The following LRP1 variants were observed in gnomAD, a reference collection of about 807,000 sequenced individuals.
The protein encoded by LRP1 is prolow-density lipoprotein receptor-related protein 1.
A neutral mutation model predicts 541.5 loss-of-function variants in LRP1; 51 were observed. That is an observed-to-expected ratio of 0.09 (90% CI 0.08 to 0.12). LRP1 has a LOEUF of 0.12. Ranked by LOEUF, LRP1 falls within the 10% of genes least tolerant of loss-of-function variation. LRP1 has a pLI of 1.00. For synonymous variants in LRP1, 2,219 were observed against 2,470.8 expected, an observed-to-expected ratio of 0.90 and a Z score of 3.02; for missense variants, 3,878 against 6,376.2, an observed-to-expected ratio of 0.61 and a Z score of 13.34.
intron 42 of LRP1, among the ~76,000 whole-genome samples, chr12:57,190,508 G>A (rs553636525): frequency 1.8e-4 from 27 of 152,350 alleles, no homozygotes; most frequent in Non-Finnish European, 3.4e-4. Context: ...CCCAGGGCCT[G>A]TCTCACTTGG....
In LRP1 at chr12:57,202,595, G is replaced by T. The variant is rs181669608; in HGVS notation, c.10711+58G>T. The T allele has an allele frequency of 1.7e-4, 226 of 1,358,574 alleles. No homozygotes were observed. In the African/African-American group the frequency reaches 2.9e-3, roughly 18 times the overall value. 84.2% of individuals were successfully genotyped at this position (1,358,574 alleles called of 1,614,324 possible). A position where few individuals can be genotyped will look rare whatever the true frequency, so the allele number is the denominator to read the frequency against. ...CCCTCCCAGGCCTGGCCCTTGTCTC[G>T]CGGCCCTCCTGCCACAGGCCGCGCC... On this transcript the variant is annotated intron_variant, in intron 68 of 88. Transcript: ENST00000243077.
At position 57,197,140 on chromosome 12, in the gene LRP1, C is replaced by G; in HGVS notation, c.9051C>G (p.Asp3017Glu). The G allele has an allele frequency of 1.2e-6, 2 of 1,613,950 alleles. No homozygotes were observed. Among genetic ancestry groups the G allele is most frequent in the East Asian group, 4.5e-5 (2 of 44,886 alleles). The change falls in exon 56 of 89, where the codon GAC becomes GAG. Residue 3017 changes from aspartate (D) to glutamate (E), a missense_variant. Transcript: ENST00000243077. The surrounding 1 kb of genome is among the most constrained non-coding windows in gnomAD (Gnocchi z 4.5). Reference protein sequence around the residue: ...CVEGYAPRGGDPHSCKAVTDE... With the variant: ...CVEGYAPRGGEPHSCKAVTDE... Reference sequence around the variant, plus strand: ...AGGGCTATGCACCCCGCGGCGGCGACCCCCACAGCTGCAAGGCTGTGACTG... The same window carrying G: ...AGGGCTATGCACCCCGCGGCGGCGAGCCCCACAGCTGCAAGGCTGTGACTG...
chr12:57,160,448 T>C (rs1000313736), intron 12 of LRP1, among the ~76,000 whole-genome samples: 1 of 152,126 alleles, frequency 6.6e-6, no homozygotes, highest in East Asian at 1.9e-4. Context: ...AACTCCCAGA[T>C]ATTTGCCGGA....
In LRP1 at chr12:57,210,496, C is replaced by T; in HGVS notation, c.12754+16C>T. On this transcript the variant is annotated intron_variant, in intron 82 of 88. Coordinates refer to ENST00000243077, the MANE Select transcript of LRP1 (RefSeq NM_002332.3). ...TCCCCCTCTGGTATGCCCCCTCATC[C>T]CGCCACGCCTGCTCCTTGCCCCTGG... 1 of 1,520,324 alleles carries T rather than the reference C, an allele frequency of 6.6e-7. No individual in the cohort carries two copies. Among genetic ancestry groups the T allele is most frequent in the South Asian group, 1.3e-5 (1 of 76,514 alleles). 94.2% of individuals were successfully genotyped at this position (1,520,324 alleles called of 1,614,324 possible).
At chr12:57,152,891 T>A (rs1253999299) in intron 6 of LRP1, among the ~76,000 whole-genome samples, 2 of 152,150 alleles carry the variant, frequency 1.3e-5, no homozygotes, top group African/African-American at 4.8e-5. Context: ...GTTCCTGTTC[T>A]TTTTGCCCCC....
chr12:57,198,429 G>A (rs1168234594), intron 59 of LRP1, 36 bp from the exon 60 acceptor site: 9 of 1,608,776 alleles, frequency 5.6e-6, no homozygotes, highest in East Asian at 2.2e-5. Flanking sequence ...GATGGGTTAC[G>A]GGATCTCCCA....
chr12:57,159,485 C>A (rs1233419748), intron 11 of LRP1, among the ~76,000 whole-genome samples: 1 of 152,222 alleles, frequency 6.6e-6, no homozygotes, highest in African/African-American at 2.4e-5. Context: ...TATGATGTCA[C>A]ACTTGTGCCC....
rs1384627704 is a variant in LRP1, at chr12:57,204,723, G to C, written c.11168G>C (p.Gly3723Ala). 2.5e-6 allele frequency: 4 copies of C among 1,613,974 alleles called. No individual in the cohort carries two copies. The highest frequency in any genetic ancestry group is 3.4e-6 in the Non-Finnish European group (4 of 1,180,016). The change falls in exon 72 of 89, where the codon GGG becomes GCG. Residue 3723 changes from glycine to alanine, a missense_variant. Coordinates refer to ENST00000243077, the MANE Select transcript of LRP1 (RefSeq NM_002332.3). The surrounding 1 kb of genome is among the most constrained non-coding windows in gnomAD (Gnocchi z 5.3). ...CAATGCGATGGCACGGACAACTGTG[G>C]GGATGGGACTGATGAAGAGGACTGT... ...GRQCDGTDNC[G>A]DGTDEEDCEP...
At chr12:57,133,601 T>G (rs2035085464) in intron 1 of LRP1, among the ~76,000 whole-genome samples, 1 of 151,420 alleles carries the variant, frequency 6.6e-6, no homozygotes, top group South Asian at 2.1e-4. Flanking sequence ...TTCAGATTCC[T>G]GCAGGCTCTG....
Position 57,187,278 on chromosome 12 carries a change from G to A in LRP1, c.6853G>A (p.Val2285Met). Residue 2285 changes from valine (V) to methionine (M), a missense_variant, in exon 42 of 89, where the codon GTG (valine) becomes ATG (methionine). This residue lies in a region of LRP1 where 1,100 missense variants were observed against 1,827.4 expected (regional missense o/e 0.60). Transcript: ENST00000243077. ...CTGTCTCTTCACAGACGTGGGCTCCGTGGAAGGCCTGGCCTATCACCGTGG... is the reference window on the plus strand; with the variant it reads ...CTGTCTCTTCACAGACGTGGGCTCCATGGAAGGCCTGGCCTATCACCGTGG... ...RITIVENVGS[V>M]EGLAYHRGWD... is the part of the protein sequence containing the mutation. The A allele has an allele frequency of 1.2e-6, 2 of 1,613,156 alleles. No homozygotes were observed. The highest frequency in any genetic ancestry group is 8.5e-7 in the Non-Finnish European group (1 of 1,179,472).
Position 57,177,947 on chromosome 12 carries a change from C to CTTTTTTTTTTTT in LRP1, c.4361+364_4361+375dup, listed in dbSNP as rs34010163. Among the ~76,000 whole-genome samples, 1 of 121,372 alleles carries CTTTTTTTTTTTT rather than the reference C, an allele frequency of 8.2e-6. No individual in the cohort carries two copies. The highest frequency in any genetic ancestry group is 1.7e-5 in the Non-Finnish European group (1 of 59,802). The allele number at this position is 121,372 out of a possible 152,430, so 79.6% of individuals were successfully genotyped here. Reference sequence around the variant, plus strand: ...CCCAGGGAGGGTGCCTTTTTCTTTTCTTTTTTTTTTTTTTTTTTTGAGACA... The same window carrying CTTTTTTTTTTTT: ...CCCAGGGAGGGTGCCTTTTTCTTTTCTTTTTTTTTTTTTTTTTTTTTTTTTTTTTTTGAGACA... On this transcript the variant is annotated intron_variant, in intron 26 of 88. Transcript: ENST00000243077. The surrounding 1 kb of genome is among the most constrained non-coding windows in gnomAD (Gnocchi z 6.8).
rs780202907 is a variant in LRP1 at position 57,203,399 on chromosome 12, C to T, written c.10829C>T (p.Thr3610Ile). ...CADGSDEKDCTPRCDMDQFQC... is the reference protein window; with the variant it reads ...CADGSDEKDCIPRCDMDQFQC... ...TGCCCATGCCCACAGAAAGACTGCA[C>T]CCCCCGCTGTGACATGGACCAGTTC... The change falls in exon 70 of 89, where the codon ACC (threonine) becomes ATC (isoleucine). Residue 3610 changes from threonine (T) to isoleucine (I), a missense_variant. Thr to Ile is a moderately conservative substitution (Grantham distance 89). This residue lies in a region of LRP1 where 278 missense variants were observed against 536.3 expected (regional missense o/e 0.52). Transcript: ENST00000243077. 3.5e-5 allele frequency: 56 copies of T among 1,606,966 alleles called. No homozygotes were observed. The highest frequency in any genetic ancestry group is 4.7e-5 in the Non-Finnish European group (55 of 1,175,944).
At chr12:57,151,405 C>T (rs1224638139) in intron 6 of LRP1, among the ~76,000 whole-genome samples, 1 of 152,214 alleles carries the variant, frequency 6.6e-6, no homozygotes, top group East Asian at 1.9e-4. Context: ...CCCTGCCCCT[C>T]TGCCCCTAGA....
At position 57,165,912 on chromosome 12, in the gene LRP1, C is replaced by T; in HGVS notation, c.2638C>T (p.Leu880=). The T allele has an allele frequency of 6.2e-7, 1 of 1,614,200 alleles. No individual in the cohort carries two copies. The highest frequency in any genetic ancestry group is 8.5e-7 in the Non-Finnish European group (1 of 1,180,038). ...GAAGTGTGACGGAGACAACGATTGC[C>T]TGGACAACAGTGATGAGGCCCCAGC... is the stretch of plus-strand genomic sequence containing the variant. ...RWKCDGDNDC[L]DNSDEAPALC... is the part of the protein sequence containing the mutation. Residue 880 remains leucine, a synonymous_variant, in exon 16 of 89, where the codon CTG becomes TTG. Coordinates refer to ENST00000243077, the MANE Select transcript of LRP1 (RefSeq NM_002332.3). This position sits in a 1 kb window ranked among gnomAD's most constrained non-coding sequence, Gnocchi z 4.5.
Position 57,177,692 on chromosome 12 carries a change from C to A in LRP1, c.4361+101C>A. ...AGGGTGATGAGAAGGACCAAGGGAT[C>A]TAGAACTAGGAACGGTGGCAAAGGA... On this transcript the variant is annotated intron_variant, in intron 26 of 88. Coordinates refer to ENST00000243077, the MANE Select transcript of LRP1 (RefSeq NM_002332.3). This position sits in a 1 kb window ranked among gnomAD's most constrained non-coding sequence, Gnocchi z 6.8. The A allele has an allele frequency of 7.3e-7, 1 of 1,369,396 alleles. No individual in the cohort carries two copies. The highest frequency in any genetic ancestry group is 1.0e-6 in the Non-Finnish European group (1 of 994,172). 84.8% of individuals were successfully genotyped at this position (1,369,396 alleles called of 1,614,324 possible). A position where few individuals can be genotyped will look rare whatever the true frequency, so the allele number is the denominator to read the frequency against.
At position 57,201,762 on chromosome 12, in the gene LRP1, A is replaced by G. The variant is rs757305951; in HGVS notation, c.10469-18A>G. 1.9e-6 allele frequency: 3 copies of G among 1,613,252 alleles called. No homozygotes were observed. Among genetic ancestry groups the G allele is most frequent in the East Asian group, 2.2e-5 (1 of 44,850 alleles). ...CTGGAAGGAGTCTCATCCTCACCCC[A>G]TGCCCACCCGCTTGCAGCCCAGATG... On this transcript the variant is annotated intron_variant, in intron 66 of 88. Coordinates refer to ENST00000243077, the MANE Select transcript of LRP1 (RefSeq NM_002332.3). The surrounding 1 kb of genome is among the most constrained non-coding windows in gnomAD (Gnocchi z 6.4).
rs2036225654 is a variant in LRP1, at chr12:57,184,330, T to C, written c.6064T>C (p.Leu2022=). ...ACTTCCACCCCCACCCTACAGGTAC[T>C]TGTTCTGGACTGAGTGGGGTCAGTA... ...AITVHPEKGY[L]FWTEWGQYPR... is the part of the protein sequence containing the mutation. Residue 2022 remains leucine, a synonymous_variant, in exon 38 of 89, where the codon TTG becomes CTG. Transcript: ENST00000243077. The surrounding 1 kb of genome is among the most constrained non-coding windows in gnomAD (Gnocchi z 7.8). The C allele has an allele frequency of 1.2e-6, 2 of 1,614,046 alleles. No individual in the cohort carries two copies. The highest frequency in any genetic ancestry group is 2.2e-5 in the South Asian group (2 of 91,078).
In LRP1 at chr12:57,177,687, G is replaced by A. The variant is rs1162525904; in HGVS notation, c.4361+96G>A. 7.1e-7 allele frequency: 1 copy of A among 1,410,310 alleles called. No homozygotes were observed. The highest frequency in any genetic ancestry group is 9.7e-7 in the Non-Finnish European group (1 of 1,026,686). The allele number at this position is 1,410,310 out of a possible 1,614,324, so 87.4% of individuals were successfully genotyped here. On this transcript the variant is annotated intron_variant, in intron 26 of 88. Coordinates refer to ENST00000243077, the MANE Select transcript of LRP1 (RefSeq NM_002332.3). This position sits in a 1 kb window ranked among gnomAD's most constrained non-coding sequence, Gnocchi z 6.8. ...TGATGAGGGTGATGAGAAGGACCAAGGGATCTAGAACTAGGAACGGTGGCA... is the reference window on the plus strand; with the variant it reads ...TGATGAGGGTGATGAGAAGGACCAAAGGATCTAGAACTAGGAACGGTGGCA...
At chr12:57,138,270 C>T (rs376438040) in intron 1 of LRP1, among the ~76,000 whole-genome samples, 189 bp from the exon 2 acceptor site, 1 of 152,132 alleles carries the variant, frequency 6.6e-6, no homozygotes. Context: ...CCACCCCCAC[C>T]GCAGATACAC....
Sources: gnomAD v4.1 joint callset for allele counts (sites outside exome capture counted in the v4.1 genomes callset) on GRCh38, gnomAD v4.1.1 for gene constraint, gnomAD v4.1.1 regional missense constraint, Gnocchi (gnomAD v3.1) non-coding constraint, MANE v1.5 for transcripts, NCBI Gene and HGNC (gene_info 2026-07-23, HGNC 2026-07-21) for gene names.